Variants in NEDD4L observed in about 807,000 individuals in gnomAD.
The protein encoded by NEDD4L is NEDD4 like E3 ubiquitin protein ligase.
A neutral mutation model predicts 148.9 loss-of-function variants in NEDD4L; 54 were observed. The ratio of observed to expected loss-of-function variants is 0.36; its 90% CI spans 0.29 to 0.45. The LOEUF is 0.45. Among genes scored for constraint, NEDD4L ranks in the 20% least tolerant of loss-of-function variants. The pLI is 1.00. For missense variants in NEDD4L, 856 were observed against 1,233.8 expected (o/e 0.69, Z 4.59); for synonymous variants, 433 against 440.7 (o/e 0.98, Z 0.22).
At position 58,195,225 on chromosome 18, in the gene NEDD4L, A is replaced by G. The variant is rs1286209564; in HGVS notation, c.122+29364A>G. Among the ~76,000 whole-genome samples, 7 of 152,354 alleles carry G rather than the reference A, an allele frequency of 4.6e-5. No homozygotes were observed. In the East Asian group the frequency reaches 1.3e-3, roughly 29 times the overall value. On this transcript the variant is annotated intron_variant, in intron 2 of 30. Transcript: ENST00000400345. ...GCTCCAGGGTCACCTGGGCCAAGCC[A>G]GGTATACACACGTCTCATGGCAAGT...
At chr18:58,370,083 G>A (rs143838914) in intron 22 of NEDD4L, among the ~76,000 whole-genome samples, 102 of 152,288 alleles carry the variant, frequency 6.7e-4, no homozygotes, top group African/African-American at 2.4e-3. Flanking sequence ...CCTCTGCTTA[G>A]TGTGCCCTTT....
At chr18:58,378,718 G>A (rs981630678) in intron 24 of NEDD4L, among the ~76,000 whole-genome samples, 16 of 152,200 alleles carry the variant, frequency 1.1e-4, no homozygotes, top group Admixed American at 6.5e-4. Flanking sequence ...ATCAGTGGGC[G>A]TTTGCCCAGC....
At chr18:58,126,155 C>A (rs1039012270) in intron 1 of NEDD4L, among the ~76,000 whole-genome samples, 7 of 152,240 alleles carry the variant, frequency 4.6e-5, no homozygotes, top group African/African-American at 1.2e-4. Context: ...ACATCTCTTA[C>A]AATTCACCCA....
chr18:58,235,739 C>G (rs2045935614), intron 2 of NEDD4L, among the ~76,000 whole-genome samples: 1 of 152,058 alleles, frequency 6.6e-6, no homozygotes, highest in African/African-American at 2.4e-5. Flanking sequence ...GTTCAGAAGT[C>G]TGTCCCCATA....
chr18:58,096,578 A>G (rs538000169), intron 1 of NEDD4L, among the ~76,000 whole-genome samples: 22 of 151,664 alleles, frequency 1.5e-4, no homozygotes, highest in Admixed American at 3.3e-4. Context: ...TAATTTTTGT[A>G]TTTTTAGTAG....
At chr18:58,281,677 A>C (rs760059717) in intron 5 of NEDD4L, among the ~76,000 whole-genome samples, 1 of 152,090 alleles carries the variant, frequency 6.6e-6, no homozygotes, top group Non-Finnish European at 1.5e-5. Context: ...AGAAAAAAAA[A>C]CTGCCTTTTT....
chr18:58,390,952 G>C (rs568377966), intron 29 of NEDD4L, among the ~76,000 whole-genome samples: 18 of 151,822 alleles, frequency 1.2e-4, no homozygotes, highest in African/African-American at 3.6e-4. Flanking sequence ...GGATTGGGGG[G>C]CAGTTTGTGA....
intron 2 of NEDD4L, among the ~76,000 whole-genome samples, chr18:58,241,857 A>G (rs1211156370): frequency 6.6e-6 from 1 of 152,108 alleles, no homozygotes; most frequent in Non-Finnish European, 1.5e-5. Context: ...ATGTCTAAGC[A>G]GCTTCACTAA....
At chr18:58,115,697 C>T (rs757631300) in intron 1 of NEDD4L, among the ~76,000 whole-genome samples, 15 of 152,122 alleles carry the variant, frequency 9.9e-5, no homozygotes, top group Non-Finnish European at 1.5e-4. Flanking sequence ...GAATGTGCAT[C>T]CTCTCTTGTG....
Position 58,044,666 on chromosome 18 carries a change from G to C in NEDD4L, c.6G>C (p.Ala2=). ...CCGCGCGGGGCGCCGGCTCCATGGC[G>C]ACCGGGCTCGGGGAGCCGGTCTATG... M[A]TGLGEPVYGL... Residue 2 remains alanine, a synonymous_variant, in exon 1 of 31, where the codon GCG becomes GCC. Coordinates refer to ENST00000400345, the MANE Select transcript of NEDD4L (RefSeq NM_001144967.3). The C allele has an allele frequency of 6.2e-7, 1 of 1,601,678 alleles. No homozygotes were observed. The highest frequency in any genetic ancestry group is 1.4e-5 in the African/African-American group (1 of 73,840).
intron 3 of NEDD4L, chr18:58,247,686 G>C (rs2047431987): frequency 6.6e-6 from 1 of 152,574 alleles, no homozygotes; most frequent in Admixed American, 6.5e-5. Context: ...TCCTTGCCGT[G>C]TTGTGACTGG....
intron 1 of NEDD4L, among the ~76,000 whole-genome samples, chr18:58,069,066 G>T (rs1185389999): frequency 6.6e-6 from 1 of 150,826 alleles, no homozygotes; most frequent in Non-Finnish European, 1.5e-5. Context: ...AACCTGGGAG[G>T]TGGAGGTTGC....
intron 1 of NEDD4L, among the ~76,000 whole-genome samples, chr18:58,106,813 A>G (rs1039761696): frequency 1.3e-4 from 20 of 152,182 alleles, no homozygotes; most frequent in Non-Finnish European, 2.8e-4. Flanking sequence ...ACTCGCCCAA[A>G]GTCACAGTGC....
At chr18:58,347,990 G>C (rs938463062) in intron 16 of NEDD4L, among the ~76,000 whole-genome samples, 1 of 151,660 alleles carries the variant, frequency 6.6e-6, no homozygotes, top group African/African-American at 2.4e-5. Flanking sequence ...TAAAGATATG[G>C]ATTCTCCTTT....
At chr18:58,233,049 T>G (rs1363572184) in intron 2 of NEDD4L, among the ~76,000 whole-genome samples, 2 of 152,192 alleles carry the variant, frequency 1.3e-5, no homozygotes, top group African/African-American at 4.8e-5. Flanking sequence ...TGTAGGAAAT[T>G]GATTTGAGAG....
chr18:58,114,704 G>A (rs1281922901), intron 1 of NEDD4L, among the ~76,000 whole-genome samples: 2 of 152,150 alleles, frequency 1.3e-5, no homozygotes, highest in African/African-American at 4.8e-5. Context: ...GTCTAACATG[G>A]GCTAAACTCA....
intron 1 of NEDD4L, among the ~76,000 whole-genome samples, chr18:58,079,096 G>A (rs796483397): frequency 2.6e-5 from 4 of 152,344 alleles, no homozygotes; most frequent in African/African-American, 9.6e-5. Context: ...TCTGCGGGGT[G>A]TGTGTGAGCT....
intron 23 of NEDD4L, among the ~76,000 whole-genome samples, chr18:58,370,930 G>T (rs567767257): frequency 1.2e-4 from 19 of 152,330 alleles, no homozygotes; most frequent in African/African-American, 4.6e-4. Flanking sequence ...CACAGCTCAG[G>T]CAAGTGAACA....
chr18:58,099,605 G>C (rs2084632326), intron 1 of NEDD4L, among the ~76,000 whole-genome samples: 1 of 152,176 alleles, frequency 6.6e-6, no homozygotes. Flanking sequence ...CCAATCACAT[G>C]TTAATGGGAA....
Sources: allele counts gnomAD v4.1 joint callset (sites outside exome capture counted in the v4.1 genomes callset), GRCh38; gene constraint gnomAD v4.1.1; transcripts MANE v1.5; gene names NCBI Gene and HGNC (gene_info 2026-07-23, HGNC 2026-07-21).